The following TTC6 variants were observed in gnomAD, a reference collection of about 807,000 sequenced individuals.
The protein encoded by TTC6 is tetratricopeptide repeat domain 6, also known as tetratricopeptide repeat protein 6.
In TTC6, 172 loss-of-function variants were observed where a neutral mutation model predicts 210.4. The ratio of observed to expected loss-of-function variants is 0.82; its 90% CI spans 0.72 to 0.93. The LOEUF (loss-of-function observed/expected upper bound fraction) is 0.93, where lower values mean the gene tolerates loss of function less well. Ranked by LOEUF, TTC6 falls within the 40% of genes least tolerant of loss-of-function variation. The probability of loss-of-function intolerance (pLI) is 0.00; values close to 1 mark genes in which losing one functional copy is unlikely to be tolerated. For missense variants in TTC6, 2,414 were observed against 2,318.1 expected (o/e 1.04, Z -0.85); for synonymous variants, 804 against 819.6 (o/e 0.98, Z 0.32).
chr14:37,610,678 T>G (rs779128449), intron 2 of TTC6, among the ~76,000 whole-genome samples: 18 of 152,194 alleles, frequency 1.2e-4, no homozygotes, highest in Non-Finnish European at 1.9e-4. Context: ...GCCGTAGTAC[T>G]GCCTGCCCAC....
intron 5 of TTC6, among the ~76,000 whole-genome samples, chr14:37,707,299 C>T (rs971371070): frequency 6.6e-6 from 1 of 151,990 alleles, no homozygotes; most frequent in Non-Finnish European, 1.5e-5. Context: ...AAATATAGTA[C>T]ACTATATTTC....
chr14:37,815,213 A>G (rs1490753914), intron 25 of TTC6, among the ~76,000 whole-genome samples: 1 of 152,200 alleles, frequency 6.6e-6, no homozygotes, highest in Non-Finnish European at 1.5e-5. Flanking sequence ...GCCAAGGATC[A>G]GAGCTTAAGG....
intron 29 of TTC6, among the ~76,000 whole-genome samples, chr14:37,833,490 C>T (rs922256652): frequency 6.6e-6 from 1 of 152,018 alleles, no homozygotes; most frequent in African/African-American, 2.4e-5. Context: ...TCATGTGTGT[C>T]CTTAATGGGT....
chr14:37,841,401 G>A (rs10151474), intron 29 of TTC6, 44 bp from the exon 32 acceptor site: 1,335,496 of 1,516,994 alleles, frequency 0.88, 599,940 homozygotes, highest in Non-Finnish European at 0.91. Flanking sequence ...TTTCTGTATA[G>A]TAAGTTGCCA....
At chr14:37,714,626 G>A in intron 5 of TTC6, 29 bp from the exon 8 acceptor site, 2 of 1,522,166 alleles carry the variant, frequency 1.3e-6, no homozygotes, top group Admixed American at 2.0e-5. Flanking sequence ...TACTTAAAAA[G>A]CAAACTTATT....
chr14:37,829,548 A>G, intron 29 of TTC6, among the ~76,000 whole-genome samples: 2 of 152,142 alleles, frequency 1.3e-5, no homozygotes, highest in Non-Finnish European at 1.5e-5. Context: ...TAATTTTTTA[A>G]AAAAAGTTTA....
At chr14:37,798,956 T>G (rs970149285) in intron 20 of TTC6, among the ~76,000 whole-genome samples, 3 of 152,276 alleles carry the variant, frequency 2.0e-5, no homozygotes, top group African/African-American at 7.2e-5. Context: ...ATATATAATC[T>G]TTTTGTAGAC....
chr14:37,608,285 T>TG (rs1452904349), intron 2 of TTC6, among the ~76,000 whole-genome samples: 91 of 151,192 alleles, frequency 6.0e-4, no homozygotes, highest in South Asian at 1.5e-3. Context: ...ACAAGTTTTT[T>TG]TTGTGTGTGT....
At chr14:37,704,041 G>A (rs1204723832) in intron 5 of TTC6, among the ~76,000 whole-genome samples, 1 of 152,104 alleles carries the variant, frequency 6.6e-6, no homozygotes, top group Admixed American at 6.6e-5. Context: ...CTTCATTCAA[G>A]ATTGTTTGTG....
chr14:37,814,285 C>T (rs1204107043), intron 25 of TTC6, among the ~76,000 whole-genome samples: 1 of 152,144 alleles, frequency 6.6e-6, no homozygotes, highest in African/African-American at 2.4e-5. Context: ...TGCCCCAGGA[C>T]CTTTACACAA....
chr14:37,684,637 C>T (rs2138573658), intron 3 of TTC6, among the ~76,000 whole-genome samples: 1 of 152,196 alleles, frequency 6.6e-6, no homozygotes, highest in South Asian at 2.1e-4. Context: ...CAGAAATGCC[C>T]TAAAATAGCA....
intron 6 of TTC6, among the ~76,000 whole-genome samples, chr14:37,718,410 G>A (rs1566907673): frequency 6.6e-6 from 1 of 152,070 alleles, no homozygotes; most frequent in Non-Finnish European, 1.5e-5. Flanking sequence ...GGAATAGAGG[G>A]AAACTTCTAC....
At chr14:37,643,270 T>A (rs528456826) in intron 1 of TTC6, among the ~76,000 whole-genome samples, 3 of 152,298 alleles carry the variant, frequency 2.0e-5, no homozygotes, top group Non-Finnish European at 4.4e-5. Context: ...ATTGCACCAT[T>A]GCACTCCAGC....
intron 1 of TTC6, among the ~76,000 whole-genome samples, chr14:37,643,029 C>T (rs1467382537): frequency 2.6e-5 from 4 of 152,188 alleles, no homozygotes; most frequent in African/African-American, 4.8e-5. Context: ...ATTATCTGGC[C>T]GGGTGTGGTG....
intron 1 of TTC6, among the ~76,000 whole-genome samples, chr14:37,636,001 GAAA>G (rs950634838): frequency 2.0e-5 from 2 of 101,802 alleles, no homozygotes; most frequent in Non-Finnish European, 4.2e-5. Context: ...AAAAAAAAAA[GAAA>G]AAAAAAAGAA....
intron 14 of TTC6, among the ~76,000 whole-genome samples, chr14:37,761,747 T>G (rs565045841): frequency 6.6e-6 from 1 of 152,310 alleles, no homozygotes; most frequent in East Asian, 1.9e-4. Flanking sequence ...TAAATTGAAT[T>G]ATATGATAGT....
exon 31 of TTC6, chr14:37,842,177 T>C (rs758881410): frequency 2.4e-5 from 39 of 1,593,824 alleles, no homozygotes; most frequent in Non-Finnish European, 3.2e-5. Flanking sequence ...AGCCTAATGA[T>C]GCTCTAGTAT....
At chr14:37,623,486 A>G (rs1466262668) in intron 1 of TTC6, among the ~76,000 whole-genome samples, 1 of 152,194 alleles carries the variant, frequency 6.6e-6, no homozygotes, top group East Asian at 1.9e-4. Flanking sequence ...TTCTCTTGAA[A>G]CATTTTTAAA....
At chr14:37,626,750 T>A (rs541184315) in intron 1 of TTC6, among the ~76,000 whole-genome samples, 40 of 152,158 alleles carry the variant, frequency 2.6e-4, no homozygotes, top group African/African-American at 9.4e-4. Context: ...GCTAGAAAAA[T>A]CTGCAACAAA....
Sources: allele counts gnomAD v4.1 joint callset (sites outside exome capture counted in the v4.1 genomes callset), GRCh38; gene constraint gnomAD v4.1.1; transcripts MANE v1.5; gene names NCBI Gene and HGNC (gene_info 2026-07-23, HGNC 2026-07-21).